WIPF1: variants seen among roughly 807,000 people sequenced by gnomAD.
WIPF1 encodes the protein WAS/WASL-interacting protein family member 1.
A neutral mutation model predicts 35.4 loss-of-function variants in WIPF1; 13 were observed. That is an observed-to-expected ratio of 0.37 (90% confidence interval 0.24 to 0.58). WIPF1 has a LOEUF of 0.58. Ranked by LOEUF, WIPF1 falls within the 20% of genes least tolerant of loss-of-function variation. WIPF1 has a pLI of 0.74. For missense variants in WIPF1, 591 were observed against 667.0 expected (o/e 0.89, Z 1.25); for synonymous variants, 267 against 266.3 (o/e 1.00, Z -0.02).
chr2:174,566,652 A>G (rs1684668254), intron 7 of WIPF1: 1 of 157,318 alleles, frequency 6.4e-6, no homozygotes, highest in African/African-American at 2.4e-5. Context: ...ATGCTCTGTA[A>G]AGCTATGATT....
intron 1 of WIPF1, among the ~76,000 whole-genome samples, chr2:174,679,454 T>G (rs1270331018): frequency 7.3e-6 from 1 of 137,716 alleles, no homozygotes; most frequent in Non-Finnish European, 1.6e-5. Flanking sequence ...AGCAACAGAG[T>G]AAAAATTTGT....
At chr2:174,621,505 AC>A (rs1337395528) in intron 1 of WIPF1, among the ~76,000 whole-genome samples, 4 of 150,946 alleles carry the variant, frequency 2.6e-5, no homozygotes, top group Non-Finnish European at 5.9e-5. Flanking sequence ...CCTCCCCTCC[AC>A]CCCCATCGCC....
chr2:174,658,832 C>T (rs972004296), intron 1 of WIPF1, among the ~76,000 whole-genome samples: 1 of 151,614 alleles, frequency 6.6e-6, no homozygotes. Context: ...TCTACACTTA[C>T]AAAAAACATA....
rs185841690 is a variant in WIPF1 at position 174,682,248 on chromosome 2, G to C, written c.-39+526C>G. Among the ~76,000 whole-genome samples the C allele has an allele frequency of 4.9e-3, 742 of 152,290 alleles. 4 individuals carry two copies. The highest frequency in any genetic ancestry group is 0.017 in the Middle Eastern group (5 of 294). On this transcript the variant is annotated intron_variant, in intron 1 of 8. Coordinates refer to the WIPF1 transcript ENST00000272746. ...CTGGGGCGAGCGGGCCGCCCGGGAGGGCCGGGAGGGAGGCGGGCTGGAGCG... is the reference window on the plus strand; with the variant it reads ...CTGGGGCGAGCGGGCCGCCCGGGAGCGCCGGGAGGGAGGCGGGCTGGAGCG...
upstream of WIPF1, among the ~76,000 whole-genome samples, chr2:174,602,019 T>C (rs547612529): frequency 2.6e-5 from 4 of 152,304 alleles, no homozygotes; most frequent in South Asian, 8.3e-4. Flanking sequence ...GTTGTTATAC[T>C]ATAACCAAAG....
At chr2:174,682,440 A>G (rs1024546452) in intron 1 of WIPF1, among the ~76,000 whole-genome samples, 5 of 152,014 alleles carry the variant, frequency 3.3e-5, no homozygotes, top group African/African-American at 1.2e-4. Flanking sequence ...GTGGGTCCCG[A>G]GCCCCACGGG....
upstream of WIPF1, among the ~76,000 whole-genome samples, chr2:174,600,672 C>T (rs1481197373): frequency 1.3e-5 from 2 of 152,156 alleles, no homozygotes; most frequent in African/African-American, 2.4e-5. Context: ...GCATAGCATG[C>T]GTCACCGCTT....
chr2:174,630,247 G>C (rs1226611260), intron 1 of WIPF1: 3 of 152,232 alleles, frequency 2.0e-5, no homozygotes. Flanking sequence ...AACGCAACTA[G>C]AAAGGAAGCC....
In WIPF1 at chr2:174,590,817, C is replaced by T. The variant is rs574859652; in HGVS notation, c.-38-5206G>A. On this transcript the variant is annotated intron_variant, in intron 1 of 7. Transcript: ENST00000679041. The surrounding 1 kb of genome is among the most constrained non-coding windows in gnomAD (Gnocchi z 4.6). ...TAAGAATAATTTCAATGTTAAGTAA[C>T]TTTCATGATAGAAAAGCCAGACTTT... Among the ~76,000 whole-genome samples the T allele has an allele frequency of 4.6e-5, 7 of 152,270 alleles. No individual in the cohort carries two copies. In the South Asian group the frequency reaches 1.2e-3, roughly 27 times the overall value.
Position 174,562,428 on chromosome 2 carries a change from C to A in WIPF1, c.*119G>T. On this transcript the variant is annotated 3_prime_UTR_variant, in exon 8 of 8. Transcript: ENST00000679041. ...ACACACGCATATTCCCACTCCCCCTCCCACCTTTCCTCCTGCCCATACATG... is the reference window on the plus strand; with the variant it reads ...ACACACGCATATTCCCACTCCCCCTACCACCTTTCCTCCTGCCCATACATG... The A allele has an allele frequency of 6.4e-7, 1 of 1,560,250 alleles. No homozygotes were observed.
At chr2:174,585,867 G>A (rs1685401865) in intron 1 of WIPF1, among the ~76,000 whole-genome samples, 1 of 152,206 alleles carries the variant, frequency 6.6e-6, no homozygotes, top group South Asian at 2.1e-4. Flanking sequence ...ACCCACTACA[G>A]TAGGCCATGA....
chr2:174,622,903 C>T lies in WIPF1; in HGVS notation c.-38-37292G>A, dbSNP rs1344560742. 6.6e-6 allele frequency among the ~76,000 whole-genome samples: 1 copy of T among 152,108 alleles called. No homozygotes were observed. The highest frequency in any genetic ancestry group is 2.4e-5 in the African/African-American group (1 of 41,408). On this transcript the variant is annotated intron_variant, in intron 1 of 8. Transcript: ENST00000272746. The surrounding 1 kb of genome is among the most constrained non-coding windows in gnomAD (Gnocchi z 5.1). ...GGCAACTACAACACCTACCATAATG[C>T]CCTCCTAAGAGGTGTTCTATTTGTT...
chr2:174,580,472 T>TTGTTGA (rs1246277583), intron 3 of WIPF1, among the ~76,000 whole-genome samples: 4 of 152,210 alleles, frequency 2.6e-5, no homozygotes, highest in Non-Finnish European at 5.9e-5. Flanking sequence ...AGATTCTGCC[T>TTGTTGA]CATTATTCAC....
upstream of WIPF1, chr2:174,597,987 G>A (rs1685876302): frequency 6.6e-6 from 1 of 152,534 alleles, no homozygotes; most frequent in African/African-American, 2.4e-5. Context: ...AGTGACAAGA[G>A]GAGATGAGCA....
chr2:174,567,100 G>C lies in WIPF1; in HGVS notation c.1426C>G (p.Pro476Ala), dbSNP rs866520694. The C allele has an allele frequency of 6.2e-7, 1 of 1,614,206 alleles. No homozygotes were observed. Reference sequence around the variant, plus strand: ...CTTTCGTTTCTTGCCAGTTTGCTGGGATAACTTTTGGTCGTTTGTACATAT... The same window carrying C: ...CTTTCGTTTCTTGCCAGTTTGCTGGCATAACTTTTGGTCGTTTGTACATAT... Reference protein sequence around the residue: ...EPYVQTTKSYPSKLARNESRS... With the variant: ...EPYVQTTKSYASKLARNESRS... Residue 476 changes from proline to alanine, a missense_variant, in exon 7 of 8, where the codon CCC becomes GCC. Physicochemically the swap from Pro to Ala is conservative, Grantham distance 27. Coordinates refer to ENST00000679041, the MANE Select transcript of WIPF1 (RefSeq NM_001375834.1).
intron 7 of WIPF1, among the ~76,000 whole-genome samples, chr2:174,563,771 A>G (rs984453210): frequency 1.3e-5 from 2 of 152,168 alleles, no homozygotes; most frequent in Admixed American, 6.6e-5. Flanking sequence ...GGTCTGCTCT[A>G]ACCACTGCTC....
Position 174,562,577 on chromosome 2 carries a change from AC to A in WIPF1, c.1481del (p.Gly494ValfsTer64). On this transcript the variant is annotated frameshift_variant, in exon 8 of 8. Transcript: ENST00000679041. LOFTEE classifies it high-confidence loss of function. The part of the protein sequence containing the change: ...SRSGSNRRER[G>X]APPLPPIPR ...TCGGGATGGGAGGGAGTGGTGGAGC[AC>A]CCCTTTCTCTTCGGTTGGATCCACC... The A allele has an allele frequency of 6.2e-7, 1 of 1,614,100 alleles. No homozygotes were observed. The highest frequency in any genetic ancestry group is 8.5e-7 in the Non-Finnish European group (1 of 1,180,008).
intron 3 of WIPF1, 191 bp downstream of exon 3, chr2:174,581,119 C>G: frequency 1.7e-6 from 1 of 583,944 alleles, no homozygotes; most frequent in South Asian, 2.8e-5. Flanking sequence ...ATACTGGCTT[C>G]TTGCAGCATT....
chr2:174,570,886 T>G (rs1684809949), intron 5 of WIPF1, among the ~76,000 whole-genome samples: 1 of 152,220 alleles, frequency 6.6e-6, no homozygotes, highest in African/African-American at 2.4e-5. Flanking sequence ...ACGCATCAAG[T>G]GAGCATATTC....
Sources: allele counts gnomAD v4.1 joint callset (sites outside exome capture counted in the v4.1 genomes callset), GRCh38; gene constraint gnomAD v4.1.1; non-coding constraint Gnocchi (gnomAD v3.1); transcripts MANE v1.5; gene names NCBI Gene and HGNC (gene_info 2026-07-23, HGNC 2026-07-21).